ADAMTS12: variants seen among roughly 807,000 people sequenced by gnomAD.
The protein encoded by ADAMTS12 is A disintegrin and metalloproteinase with thrombospondin motifs 12.
A neutral mutation model predicts 167.8 loss-of-function variants in ADAMTS12; 118 were observed. The ratio of observed to expected loss-of-function variants is 0.70; its 90% CI spans 0.61 to 0.82. The LOEUF (loss-of-function observed/expected upper bound fraction) is 0.82, where lower values mean the gene tolerates loss of function less well. ADAMTS12 is among the 40% of genes least tolerant of loss of function. ADAMTS12 has a pLI of 0.00. For synonymous variants in ADAMTS12, 704 were observed against 716.9 expected (o/e 0.98, Z 0.29); for missense variants, 1,916 against 1,998.8 (o/e 0.96, Z 0.79).
chr5:33,858,663 AAAAAAAAG>A (rs1221654562), intron 2 of ADAMTS12, among the ~76,000 whole-genome samples: 4 of 145,644 alleles, frequency 2.7e-5, no homozygotes, highest in Non-Finnish European at 4.5e-5. Context: ...ATCTCAAAAA[AAAAAAAAG>A]AAAAGAAAAA....
At chr5:33,679,856 G>A (rs1457766905) in intron 5 of ADAMTS12, among the ~76,000 whole-genome samples, 2 of 152,158 alleles carry the variant, frequency 1.3e-5, no homozygotes, top group African/African-American at 4.8e-5. Context: ...ATGGAGCAAT[G>A]ATGTAACTTC....
At chr5:33,783,567 T>C (rs890713838) in intron 2 of ADAMTS12, among the ~76,000 whole-genome samples, 1 of 151,768 alleles carries the variant, frequency 6.6e-6, no homozygotes, top group Non-Finnish European at 1.5e-5. Flanking sequence ...CCCGCAGAAA[T>C]TAAAAGAATT....
chr5:33,630,882 T>A lies in ADAMTS12; in HGVS notation c.1920A>T (p.Ile640=). 6.2e-7 allele frequency: 1 copy of A among 1,613,622 alleles called. No individual in the cohort carries two copies. Among genetic ancestry groups the A allele is most frequent in the Non-Finnish European group, 8.5e-7 (1 of 1,179,674 alleles). Residue 640 remains isoleucine, a synonymous_variant, in exon 13 of 24, where the codon ATA becomes ATT. Coordinates refer to ENST00000504830, the MANE Select transcript of ADAMTS12 (RefSeq NM_030955.4). ...AHPCELYCRP[I]DGQFSEKMLD... Reference sequence around the variant, plus strand: ...GCATTTTCTCAGAAAACTGGCCATCTATGGGTCGGCAGTAGAGCTCACAAG... The same window carrying A: ...GCATTTTCTCAGAAAACTGGCCATCAATGGGTCGGCAGTAGAGCTCACAAG...
At chr5:33,702,634 T>C (rs1206070463) in intron 3 of ADAMTS12, among the ~76,000 whole-genome samples, 1 of 152,220 alleles carries the variant, frequency 6.6e-6, no homozygotes, top group Non-Finnish European at 1.5e-5. Context: ...ATCTATTTTA[T>C]CACCTCAGTC....
chr5:33,747,851 C>T lies in ADAMTS12; in HGVS notation c.634+3553G>A, dbSNP rs115615651. Among the ~76,000 whole-genome samples, 638 of 152,268 alleles carry T rather than the reference C, an allele frequency of 4.2e-3. 6 individuals carry two copies. The highest frequency in any genetic ancestry group is 0.015 in the African/African-American group (609 of 41,536). The stretch of plus-strand genomic sequence containing the variant: ...AAAACCAGGACTAGATCTCTACTTA[C>T]TCATGTCCTATATCCAAGCTGTCAG... On this transcript the variant is annotated intron_variant, in intron 3 of 23. Coordinates refer to ENST00000504830, the MANE Select transcript of ADAMTS12 (RefSeq NM_030955.4).
intron 7 of ADAMTS12, among the ~76,000 whole-genome samples, chr5:33,655,621 TTTTA>T (rs952107331): frequency 3.2e-5 from 4 of 125,982 alleles, no homozygotes; most frequent in African/African-American, 1.1e-4. Context: ...TTTTTTTTAG[TTTTA>T]TTTATTTAAT....
intron 9 of ADAMTS12, among the ~76,000 whole-genome samples, chr5:33,647,803 G>A (rs1489707832): frequency 2.6e-5 from 4 of 152,126 alleles, no homozygotes; most frequent in Non-Finnish European, 5.9e-5. Context: ...TTAGAAATGA[G>A]GGGTGAGGAT....
chr5:33,807,623 T>C (rs1747288747), intron 2 of ADAMTS12, among the ~76,000 whole-genome samples: 1 of 152,238 alleles, frequency 6.6e-6, no homozygotes, highest in African/African-American at 2.4e-5. Flanking sequence ...GGCTTGATTG[T>C]TGACTTTTCA....
intron 2 of ADAMTS12, among the ~76,000 whole-genome samples, chr5:33,772,248 C>T (rs937996156): frequency 6.6e-6 from 1 of 152,138 alleles, no homozygotes; most frequent in South Asian, 2.1e-4. Context: ...ATAAGTAATT[C>T]GTCCAGACCA....
intron 2 of ADAMTS12, among the ~76,000 whole-genome samples, chr5:33,757,087 G>A (rs1745195957): frequency 6.6e-6 from 1 of 152,198 alleles, no homozygotes; most frequent in South Asian, 2.1e-4. Context: ...AGGAAAGAGA[G>A]AGATTCATAA....
In ADAMTS12 at chr5:33,891,917, A is replaced by G. The variant is rs2111821066; in HGVS notation, c.-61T>C. On this transcript the variant is annotated 5_prime_UTR_variant, in exon 1 of 24. Transcript: ENST00000504830. ...TTTTAGCCCTCAGCTCCAGAAATAA[A>G]GCGCTCGCCTGTGGCCCAGCAGGAA... 6.3e-7 allele frequency: 1 copy of G among 1,583,188 alleles called. No homozygotes were observed.
At chr5:33,774,021 A>C (rs1357324929) in intron 2 of ADAMTS12, among the ~76,000 whole-genome samples, 1 of 152,236 alleles carries the variant, frequency 6.6e-6, no homozygotes, top group East Asian at 1.9e-4. Context: ...TGGGGAGGTT[A>C]CTTCCATTTA....
intron 2 of ADAMTS12, among the ~76,000 whole-genome samples, chr5:33,763,060 G>A (rs1745410917): frequency 6.6e-6 from 1 of 152,146 alleles, no homozygotes. Context: ...CAGAGGAAGT[G>A]GTGGTCAGAA....
At chr5:33,715,507 TA>T (rs1743572183) in intron 3 of ADAMTS12, among the ~76,000 whole-genome samples, 1 of 152,034 alleles carries the variant, frequency 6.6e-6, no homozygotes, top group African/African-American at 2.4e-5. Flanking sequence ...GAAGTAAAAA[TA>T]AAAACTTTGG....
chr5:33,584,069 G>A (rs1422357547), intron 18 of ADAMTS12, among the ~76,000 whole-genome samples: 1 of 152,192 alleles, frequency 6.6e-6, no homozygotes, highest in African/African-American at 2.4e-5. Flanking sequence ...AGTAGACGCT[G>A]TGCTGCCTGC....
chr5:33,631,612 CATTT>C (rs1739935702), intron 12 of ADAMTS12, among the ~76,000 whole-genome samples: 1 of 152,112 alleles, frequency 6.6e-6, no homozygotes, highest in Non-Finnish European at 1.5e-5. Context: ...AGCACAGGAA[CATTT>C]ACATAATAAA....
chr5:33,662,206 T>A (rs1165284461), intron 5 of ADAMTS12, among the ~76,000 whole-genome samples, 166 bp from the exon 6 acceptor site: 2 of 152,162 alleles, frequency 1.3e-5, no homozygotes, highest in East Asian at 3.9e-4. Flanking sequence ...TCTTGACTAA[T>A]CTTCTGGGTT....
chr5:33,868,623 G>C lies in ADAMTS12; in HGVS notation c.489+12496C>G, dbSNP rs190870802. On this transcript the variant is annotated intron_variant, in intron 2 of 23. Transcript: ENST00000504830. Reference sequence around the variant, plus strand: ...GAGCAAAATGTTCAAGATGTGGCCTGGCTGTTTCTAGCAACCTATGCTTAT... The same window carrying C: ...GAGCAAAATGTTCAAGATGTGGCCTCGCTGTTTCTAGCAACCTATGCTTAT... Among the ~76,000 whole-genome samples the C allele has an allele frequency of 1.1e-4, 17 of 152,288 alleles. No individual in the cohort carries two copies. In the East Asian group the frequency reaches 3.1e-3, roughly 28 times the overall value.
At chr5:33,788,686 C>G (rs1353699233) in intron 2 of ADAMTS12, among the ~76,000 whole-genome samples, 5 of 152,122 alleles carry the variant, frequency 3.3e-5, no homozygotes, top group Non-Finnish European at 5.9e-5. Context: ...TGGATTATAG[C>G]CTTGAGAAAG....
Sources: gnomAD v4.1 joint callset for allele counts (sites outside exome capture counted in the v4.1 genomes callset) on GRCh38, gnomAD v4.1.1 for gene constraint, MANE v1.5 for transcripts, NCBI Gene and HGNC (gene_info 2026-07-23, HGNC 2026-07-21) for gene names.